The following TMEM8B variants were observed in gnomAD, a reference collection of about 807,000 sequenced individuals.
The protein encoded by TMEM8B is transmembrane protein 8B.
In TMEM8B, 29 loss-of-function variants were observed where a neutral mutation model predicts 49.3. The observed-to-expected ratio is 0.59, with a 90% confidence interval of 0.44 to 0.80. The LOEUF (loss-of-function observed/expected upper bound fraction) is 0.80, where lower values mean the gene tolerates loss of function less well. Among genes scored for constraint, TMEM8B ranks in the 30% least tolerant of loss-of-function variants. TMEM8B has a pLI of 0.00. For missense variants in TMEM8B, 575 were observed against 658.5 expected, an observed-to-expected ratio of 0.87 and a Z score of 1.39; for synonymous variants, 264 against 272.8, an observed-to-expected ratio of 0.97 and a Z score of 0.32.
Position 35,854,578 on chromosome 9 carries a change from C to T in TMEM8B, c.*738C>T, listed in dbSNP as rs1236763694. 6.6e-6 allele frequency: 1 copy of T among 152,192 alleles called. No individual in the cohort carries two copies. The highest frequency in any genetic ancestry group is 6.5e-5 in the Admixed American group (1 of 15,284). 9.4% of individuals were successfully genotyped at this position (152,192 alleles called of 1,614,324 possible). ...CACAGTCTGATCCCGCTCATCTGGG[C>T]CCTGCATTCATTTCTAAACAGTTTC... On this transcript the variant is annotated 3_prime_UTR_variant, in exon 13 of 13. Coordinates refer to ENST00000643932, the MANE Select transcript of TMEM8B (RefSeq NM_001042590.4).
intron 2 of TMEM8B, 23 bp from the exon 3 acceptor site, chr9:35,834,988 C>G: frequency 2.4e-6 from 1 of 415,774 alleles, no homozygotes; most frequent in Non-Finnish European, 4.4e-6. Flanking sequence ...TGCTTTCCTC[C>G]TCTCCTAATT....
At chr9:35,852,173 C>G (rs1219796710) in intron 10 of TMEM8B, among the ~76,000 whole-genome samples, 1 of 152,176 alleles carries the variant, frequency 6.6e-6, no homozygotes, top group Non-Finnish European at 1.5e-5. Flanking sequence ...CTTTGAACCT[C>G]CTCAATAGTC....
rs754388112 is a variant in TMEM8B, at chr9:35,842,559, ACT to A, written c.1480_1481del (p.Leu494AlafsTer24). ...PPEHCWPVRP[T>X]LRNELDTFSV... is the part of the protein sequence containing the mutation. ...CGAGCACTGCTGGCCAGTGCGCCCG[ACT>A]CTGCGCAACGAGCTGGACACCTTCT... is the stretch of plus-strand genomic sequence containing the variant. On this transcript the variant is annotated frameshift_variant, in exon 6 of 13. Transcript: ENST00000643932. LOFTEE classifies it high-confidence loss of function. This position sits in a 1 kb window ranked among gnomAD's most constrained non-coding sequence, Gnocchi z 5.6. 2 of 1,614,044 alleles carry A rather than the reference ACT, an allele frequency of 1.2e-6. No homozygotes were observed. Among genetic ancestry groups the A allele is most frequent in the Non-Finnish European group, 1.7e-6 (2 of 1,180,018 alleles).
chr9:35,837,425 A>G (rs1023955322), intron 3 of TMEM8B, among the ~76,000 whole-genome samples: 3 of 152,140 alleles, frequency 2.0e-5, no homozygotes, highest in African/African-American at 7.2e-5. Context: ...GAGGTTGAGA[A>G]GGCAGGGAAG....
Position 35,842,688 on chromosome 9 carries a change from G to A in TMEM8B, c.1606G>A (p.Val536Ile), listed in dbSNP as rs768500311. The A allele has an allele frequency of 2.8e-5, 45 of 1,613,570 alleles. No homozygotes were observed. The highest frequency in any genetic ancestry group is 3.4e-5 in the Non-Finnish European group (40 of 1,179,778). ...RLLPVLDSGG[V>I]LSLELQLNAS... ...GTTGCCAGTGCTGGACAGTGGAGGC[G>A]TCCTCAGCCTGGAGCTCCAGCTCAA... is the stretch of plus-strand genomic sequence containing the variant. Residue 536 changes from valine (V) to isoleucine (I), a missense_variant, in exon 6 of 13, where the codon GTC becomes ATC. Val to Ile is a conservative substitution (Grantham distance 29). Coordinates refer to ENST00000643932, the MANE Select transcript of TMEM8B (RefSeq NM_001042590.4). The surrounding 1 kb of genome is among the most constrained non-coding windows in gnomAD (Gnocchi z 5.6).
In TMEM8B at chr9:35,829,821, T is replaced by C; in HGVS notation, c.374T>C (p.Leu125Ser). 2.4e-6 allele frequency: 1 copy of C among 416,338 alleles called. No homozygotes were observed. The highest frequency in any genetic ancestry group is 3.6e-5 in the East Asian group (1 of 28,090). The allele number at this position is 416,338 out of a possible 1,614,324, so 25.8% of individuals were successfully genotyped here. The stretch of plus-strand genomic sequence containing the variant: ...CAGCCTTTGCCCTCATCTCTGTGTT[T>C]ACCCAAGTCTCTCCCTCTAGTCCCC... ...LSQPLPSSLC[L>S]PKSLPLVPPI... The change falls in exon 1 of 13, where the codon TTA becomes TCA. Residue 125 changes from leucine (L) to serine (S), a missense_variant. By Grantham distance (145) the Leu-to-Ser change is moderately radical. Coordinates refer to ENST00000643932, the MANE Select transcript of TMEM8B (RefSeq NM_001042590.4).
In TMEM8B at chr9:35,845,994, A is replaced by G; in HGVS notation, c.1655A>G (p.Asn552Ser). 1 of 1,613,670 alleles carries G rather than the reference A, an allele frequency of 6.2e-7. No individual in the cohort carries two copies. The highest frequency in any genetic ancestry group is 1.3e-5 in the African/African-American group (1 of 74,866). The change falls in exon 7 of 13, where the codon AAC (asparagine) becomes AGC (serine). Residue 552 changes from asparagine (N) to serine (S), a missense_variant. Asn to Ser is a conservative substitution (Grantham distance 46, BLOSUM62 1). Transcript: ENST00000643932. The stretch of plus-strand genomic sequence containing the variant: ...CCCCAGAGCTCCGTGCGCCAGGAAA[A>G]CGTGACGGTGTTTGGATGCTTGACT... The part of the protein sequence containing the change: ...QLNASSVRQE[N>S]VTVFGCLTHE...
Position 35,853,085 on chromosome 9 carries a change from C to T in TMEM8B, c.2323-56C>T. 1 of 1,607,748 alleles carries T rather than the reference C, an allele frequency of 6.2e-7. No individual in the cohort carries two copies. The highest frequency in any genetic ancestry group is 8.5e-7 in the Non-Finnish European group (1 of 1,174,640). On this transcript the variant is annotated intron_variant, in intron 11 of 12. Coordinates refer to ENST00000643932, the MANE Select transcript of TMEM8B (RefSeq NM_001042590.4). The surrounding 1 kb of genome is among the most constrained non-coding windows in gnomAD (Gnocchi z 4.2). ...TGCCTCTCATGATTCTGACCCAGGC[C>T]CTGGAGTGCTGTCTGTCACCTGGCC... is the stretch of plus-strand genomic sequence containing the variant.
chr9:35,835,258 C>A, intron 3 of TMEM8B, 40 bp downstream of exon 3: 1 of 414,198 alleles, frequency 2.4e-6, no homozygotes, highest in South Asian at 1.3e-4. Context: ...CCAGAACTGC[C>A]CTTCCATCTC....
rs1476295894 is a variant in TMEM8B, at chr9:35,842,708, G to T, written c.1626G>T (p.Gln542His). 2 of 1,612,608 alleles carry T rather than the reference G, an allele frequency of 1.2e-6. No individual in the cohort carries two copies. Among genetic ancestry groups the T allele is most frequent in the African/African-American group, 2.7e-5 (2 of 75,054 alleles). ...GAGGCGTCCTCAGCCTGGAGCTCCA[G>T]CTCAATGCGGTACTCTTTATGGAGA... ...DSGGVLSLEL[Q>H]LNASSVRQEN... is the part of the protein sequence containing the mutation. The change falls in exon 6 of 13, where the codon CAG (glutamine) becomes CAT (histidine). Residue 542 changes from glutamine (Q) to histidine (H), a missense_variant. Physicochemically the swap from Gln to His is conservative, Grantham distance 24. Coordinates refer to ENST00000643932, the MANE Select transcript of TMEM8B (RefSeq NM_001042590.4). This position sits in a 1 kb window ranked among gnomAD's most constrained non-coding sequence, Gnocchi z 5.6.
At chr9:35,845,066 T>C (rs998469173) in intron 6 of TMEM8B, among the ~76,000 whole-genome samples, 1 of 152,212 alleles carries the variant, frequency 6.6e-6, no homozygotes, top group Non-Finnish European at 1.5e-5. Flanking sequence ...TATAAGGAAG[T>C]TGTATGAAAC....
rs1327740009 is a variant in TMEM8B at position 35,854,742 on chromosome 9, A to G, written c.*902A>G. The G allele has an allele frequency of 1.3e-5, 2 of 152,110 alleles. No homozygotes were observed. The highest frequency in any genetic ancestry group is 4.1e-4 in the South Asian group (2 of 4,832). 9.4% of individuals were successfully genotyped at this position (152,110 alleles called of 1,614,324 possible). On this transcript the variant is annotated 3_prime_UTR_variant, in exon 13 of 13. Transcript: ENST00000643932. ...GACAGACTTTCCTTATGATGCCCAC[A>G]CCCAACACAGAAGGAAGCCGAGGTC...
chr9:35,830,324 A>G (rs775072043), intron 1 of TMEM8B, among the ~76,000 whole-genome samples: 3 of 152,170 alleles, frequency 2.0e-5, no homozygotes, highest in Non-Finnish European at 4.4e-5. Flanking sequence ...GTAGTGTGGG[A>G]ATATATAGCC....
At chr9:35,830,226 C>G (rs1279006518) in intron 1 of TMEM8B, among the ~76,000 whole-genome samples, 2 of 152,152 alleles carry the variant, frequency 1.3e-5, no homozygotes, top group Non-Finnish European at 2.9e-5. Flanking sequence ...CACTTTGACT[C>G]TTGCTTTTCC....
At chr9:35,843,124 T>C (rs1831187027) in intron 6 of TMEM8B, among the ~76,000 whole-genome samples, 1 of 152,190 alleles carries the variant, frequency 6.6e-6, no homozygotes, top group South Asian at 2.1e-4. Context: ...TCTGTCTCCA[T>C]GAATTTTTTA....
intron 6 of TMEM8B, among the ~76,000 whole-genome samples, chr9:35,844,940 A>C (rs1831373614): frequency 6.6e-6 from 1 of 152,158 alleles, no homozygotes; most frequent in African/African-American, 2.4e-5. Context: ...TTGGATCAAG[A>C]ACTGGACATT....
Position 35,855,166 on chromosome 9 carries a change from A to ATGC in TMEM8B, c.*1327_*1329dup, listed in dbSNP as rs1294939610. 4.6e-5 allele frequency: 7 copies of ATGC among 152,332 alleles called. No homozygotes were observed. The highest frequency in any genetic ancestry group is 1.2e-4 in the African/African-American group (5 of 41,570). The allele number at this position is 152,332 out of a possible 1,614,324, so 9.4% of individuals were successfully genotyped here. A position where few individuals can be genotyped will look rare whatever the true frequency, so the allele number is the denominator to read the frequency against. ...CGTAAAGTTGTCTAAGGCCTTGGCT[A>ATGC]TGCAGACACACCTTGAAGCTGTTTC... On this transcript the variant is annotated 3_prime_UTR_variant, in exon 13 of 13. Transcript: ENST00000643932.
At chr9:35,852,368 A>C (rs1832217781) in intron 10 of TMEM8B, among the ~76,000 whole-genome samples, 1 of 152,102 alleles carries the variant, frequency 6.6e-6, no homozygotes, top group Non-Finnish European at 1.5e-5. Context: ...GGAAGCCCTG[A>C]GAGTGAAGCC....
At chr9:35,846,167 G>T (rs1357597377) in intron 7 of TMEM8B, 91 bp from the exon 8 acceptor site, 1 of 1,607,364 alleles carries the variant, frequency 6.2e-7, no homozygotes, top group African/African-American at 1.3e-5. Context: ...GGAATGATAG[G>T]CTAGGGTTCC....
Sources: allele counts gnomAD v4.1 joint callset (sites outside exome capture counted in the v4.1 genomes callset), GRCh38; gene constraint gnomAD v4.1.1; non-coding constraint Gnocchi (gnomAD v3.1); transcripts MANE v1.5; gene names NCBI Gene and HGNC (gene_info 2026-07-23, HGNC 2026-07-21).